Variants in DLGAP2 observed in about 807,000 individuals in gnomAD.
DLGAP2 encodes disks large-associated protein 2.
Under a neutral mutation model 100.3 loss-of-function variants are expected in DLGAP2, and 26 were observed. That is an observed-to-expected ratio of 0.26 (90% CI 0.19 to 0.36). DLGAP2 has a LOEUF of 0.36. Among genes scored for constraint, DLGAP2 ranks in the 10% least tolerant of loss-of-function variants. The probability of loss-of-function intolerance (pLI) is 1.00; values close to 1 mark genes in which losing one functional copy is unlikely to be tolerated. For synonymous variants in DLGAP2, 886 were observed against 630.1 expected, an observed-to-expected ratio of 1.41 and a Z score of -6.08; for missense variants, 1,858 against 1,453.2, an observed-to-expected ratio of 1.28 and a Z score of -4.53.
intron 1 of DLGAP2, among the ~76,000 whole-genome samples, chr8:769,986 G>T (rs565299085): frequency 6.6e-5 from 10 of 152,156 alleles, no homozygotes; most frequent in Non-Finnish European, 1.3e-4. Flanking sequence ...TTTTCTTCCT[G>T]TTCACAATTA....
chr8:901,142 C>G (rs1014883471), intron 1 of DLGAP2, among the ~76,000 whole-genome samples: 15 of 152,078 alleles, frequency 9.9e-5, no homozygotes, highest in African/African-American at 3.4e-4. Context: ...TTTTAATTAG[C>G]TGGGCATGAT....
intron 3 of DLGAP2, among the ~76,000 whole-genome samples, chr8:1,259,253 G>A (rs1799292823): frequency 6.6e-6 from 1 of 152,240 alleles, no homozygotes; most frequent in Non-Finnish European, 1.5e-5. Context: ...TCGGATCTGG[G>A]AAGCCCTTCC....
At chr8:1,646,671 T>A (rs1798047174) in intron 8 of DLGAP2, among the ~76,000 whole-genome samples, 1 of 152,140 alleles carries the variant, frequency 6.6e-6, no homozygotes, top group Non-Finnish European at 1.5e-5. Context: ...TTCATTAAAA[T>A]AAAGGCCGCT....
chr8:1,514,837 C>T (rs974900161), intron 4 of DLGAP2, among the ~76,000 whole-genome samples: 4 of 152,270 alleles, frequency 2.6e-5, no homozygotes, highest in South Asian at 2.1e-4. Context: ...TGGCGCTCAG[C>T]GTGATGCCAC....
At chr8:1,229,302 G>A (rs371425167) in intron 2 of DLGAP2, among the ~76,000 whole-genome samples, 40 of 152,072 alleles carry the variant, frequency 2.6e-4, no homozygotes, top group African/African-American at 8.4e-4. Context: ...TTTAGAATCG[G>A]AATCAGCTCC....
In DLGAP2 at chr8:1,142,087, C is replaced by G. The variant is rs1050195838; in HGVS notation, c.74-116764C>G. On this transcript the variant is annotated intron_variant, in intron 2 of 14. Coordinates refer to ENST00000637795, the MANE Select transcript of DLGAP2 (RefSeq NM_001346810.2). ...CTACGTATATAAGTTTTTTTTTTTG[C>G]TATGAAATTGCCATTTTAGACAATC... Among the ~76,000 whole-genome samples, 12 of 142,034 alleles carry G rather than the reference C, an allele frequency of 8.4e-5. No individual in the cohort carries two copies. In the South Asian group the frequency reaches 8.8e-4, roughly 10 times the overall value. 93.2% of individuals were successfully genotyped at this position (142,034 alleles called of 152,430 possible).
intron 3 of DLGAP2, among the ~76,000 whole-genome samples, chr8:1,481,830 C>G (rs1275548081): frequency 6.6e-6 from 1 of 152,186 alleles, no homozygotes; most frequent in East Asian, 1.9e-4. Flanking sequence ...TAAAAAATCT[C>G]TGACTCCTTG....
At chr8:1,048,280 T>G (rs1802570546) in intron 2 of DLGAP2, among the ~76,000 whole-genome samples, 1 of 152,148 alleles carries the variant, frequency 6.6e-6, no homozygotes, top group Non-Finnish European at 1.5e-5. Flanking sequence ...GTCTCCATTT[T>G]ACAAAGGACA....
intron 2 of DLGAP2, among the ~76,000 whole-genome samples, chr8:1,102,851 CGGGGTCTTTGTGAGTCTCT>C (rs1563193169): frequency 1.3e-5 from 2 of 151,012 alleles, no homozygotes; most frequent in Non-Finnish European, 2.9e-5. Flanking sequence ...TGTGAGTCTC[CGGGGTCTTTGTGAGTCTCT>C]GGGGTCTCTG....
chr8:1,638,999 G>A (rs1303997152), intron 8 of DLGAP2, among the ~76,000 whole-genome samples: 1 of 152,208 alleles, frequency 6.6e-6, no homozygotes, highest in Non-Finnish European at 1.5e-5. Flanking sequence ...GAGCCGGGAT[G>A]GATTGGGATG....
chr8:861,077 G>C (rs918328754), intron 1 of DLGAP2, among the ~76,000 whole-genome samples: 1 of 152,246 alleles, frequency 6.6e-6, no homozygotes, highest in East Asian at 1.9e-4. Context: ...ATGAGGAGAG[G>C]GAGTGGGGCA....
chr8:1,164,423 G>C (rs1350276355), intron 2 of DLGAP2, among the ~76,000 whole-genome samples: 1 of 121,374 alleles, frequency 8.2e-6, no homozygotes, highest in East Asian at 2.3e-4. Context: ...CTGGAGCTGC[G>C]ATTCAGCCCC....
chr8:1,419,870 G>GCACCATTTCT (rs1267771268), intron 3 of DLGAP2, among the ~76,000 whole-genome samples: 1 of 152,158 alleles, frequency 6.6e-6, no homozygotes, highest in African/African-American at 2.4e-5. Flanking sequence ...CAAAAGAAAT[G>GCACCATTTCT]GTATCAGAGC....
intron 3 of DLGAP2, among the ~76,000 whole-genome samples, chr8:1,432,886 C>A (rs2158787): frequency 1.2e-4 from 18 of 152,220 alleles, no homozygotes; most frequent in Admixed American, 2.6e-4. Context: ...GAGCTGGGGG[C>A]GTCCCCAGAG....
intron 2 of DLGAP2, among the ~76,000 whole-genome samples, chr8:1,069,761 A>G (rs1417537778): frequency 6.6e-6 from 1 of 152,192 alleles, no homozygotes; most frequent in Admixed American, 6.5e-5. Flanking sequence ...CTTGGAATTC[A>G]ACATCATGTT....
At chr8:937,358 T>C (rs1799095309) in intron 2 of DLGAP2, among the ~76,000 whole-genome samples, 1 of 152,218 alleles carries the variant, frequency 6.6e-6, no homozygotes, top group Non-Finnish European at 1.5e-5. Flanking sequence ...CTCTATTGTT[T>C]TAAAATCGGA....
chr8:781,663 A>G (rs936794258), intron 1 of DLGAP2, among the ~76,000 whole-genome samples: 6 of 152,156 alleles, frequency 3.9e-5, no homozygotes, highest in African/African-American at 1.2e-4. Flanking sequence ...TGACACGGTG[A>G]TTTGGCTGAA....
chr8:1,066,243 C>T lies in DLGAP2; in HGVS notation c.73+158277C>T, dbSNP rs192915056. Among the ~76,000 whole-genome samples, 123 of 150,072 alleles carry T rather than the reference C, an allele frequency of 8.2e-4. 3 individuals carry two copies. The Middle Eastern group carries it at 0.014, about 17-fold the overall frequency. ...TGGTCAGGTCTGAGCGAGGGCAGCT[C>T]CCCACCACGGTCAGGTCTGAGCGAG... On this transcript the variant is annotated intron_variant, in intron 2 of 14. Transcript: ENST00000637795.
intron 2 of DLGAP2, among the ~76,000 whole-genome samples, chr8:1,201,983 T>C (rs376053521): frequency 2.0e-4 from 19 of 97,026 alleles, no homozygotes; most frequent in African/African-American, 6.7e-4. Context: ...TCTGTGTATC[T>C]GTGTATATGT....
Sources: allele counts gnomAD v4.1 joint callset (sites outside exome capture counted in the v4.1 genomes callset), GRCh38; gene constraint gnomAD v4.1.1; transcripts MANE v1.5; gene names NCBI Gene and HGNC (gene_info 2026-07-23, HGNC 2026-07-21).